FBXO5: variants seen among roughly 807,000 people sequenced by gnomAD.
The protein encoded by FBXO5 is F-box protein 5.
Under a neutral mutation model 43.3 loss-of-function variants are expected in FBXO5, and 8 were observed. That is an observed-to-expected ratio of 0.18 (90% confidence interval 0.11 to 0.33). The LOEUF (loss-of-function observed/expected upper bound fraction) is 0.33, where lower values mean the gene tolerates loss of function less well. FBXO5 is among the 10% of genes least tolerant of loss of function. The pLI is 1.00. For synonymous variants in FBXO5, 204 were observed against 193.7 expected (o/e 1.05, Z -0.44); for missense variants, 491 against 535.7 (o/e 0.92, Z 0.82).
At chr6:152,974,840 G>T in intron 2 of FBXO5, 67 bp downstream of exon 2, 2 of 1,230,748 alleles carry the variant, frequency 1.6e-6, no homozygotes, top group Non-Finnish European at 2.3e-6. Context: ...ATGAGCTGGT[G>T]GTACTGAGCC....
upstream of FBXO5, chr6:152,983,150 T>C (rs1045304745): frequency 4.9e-6 from 2 of 406,598 alleles, no homozygotes; most frequent in Non-Finnish European, 4.3e-6. Context: ...AGGAGGGCAG[T>C]GGGTGGGGGC....
chr6:152,982,753 C>G (rs1778282777), intron 1 of FBXO5, 104 bp downstream of exon 1: 1 of 763,368 alleles, frequency 1.3e-6, no homozygotes, highest in South Asian at 2.5e-5. Context: ...CATGGCCGCG[C>G]GTCCAGGCTC....
At chr6:152,972,993 GAAGAGCACTAAC>G in intron 3 of FBXO5, 41 bp downstream of exon 3, 3 of 1,384,516 alleles carry the variant, frequency 2.2e-6, no homozygotes, top group Non-Finnish European at 3.1e-6. Context: ...TCTATTTCTA[GAAGAGCACTAAC>G]AGTGCATTTT....
Position 152,975,042 on chromosome 6 carries a change from T to C in FBXO5, c.683A>G (p.Asn228Ser), listed in dbSNP as rs774448542. 2 of 1,614,192 alleles carry C rather than the reference T, an allele frequency of 1.2e-6. No homozygotes were observed. Among genetic ancestry groups the C allele is most frequent in the South Asian group, 1.1e-5 (1 of 91,084 alleles). ...GCCAATTATATTCTGCAGTCTAAAA[T>C]TTCCTCTGGCTATAATTTCCTTCAG... ...EMLKEIIARG[N>S]FRLQNIIGRK... The change falls in exon 2 of 5, where the codon AAT (asparagine) becomes AGT (serine). Residue 228 changes from asparagine (N) to serine (S), a missense_variant. Transcript: ENST00000229758.
rs1778288197 is a variant in FBXO5 at position 152,982,940 on chromosome 6, C to T, written c.20G>A (p.Ser7Asn). Residue 7 changes from serine to asparagine, a missense_variant, in exon 1 of 5, where the codon AGC (serine) becomes AAC (asparagine). By Grantham distance (46) the Ser-to-Asn change is conservative. Transcript: ENST00000229758. Reference sequence around the variant, plus strand: ...GCAGCGGGGTGGCCGTAGGGCGCAGCTGCAGGGGCGCCGGCTCATGCCAGC... The same window carrying T: ...GCAGCGGGGTGGCCGTAGGGCGCAGTTGCAGGGGCGCCGGCTCATGCCAGC... MSRRPC[S>N]CALRPPRCSC... 2 of 1,429,932 alleles carry T rather than the reference C, an allele frequency of 1.4e-6. No individual in the cohort carries two copies. Among genetic ancestry groups the T allele is most frequent in the South Asian group, 1.5e-5 (1 of 68,182 alleles). The allele number at this position is 1,429,932 out of a possible 1,614,324, so 88.6% of individuals were successfully genotyped here. A position where few individuals can be genotyped will look rare whatever the true frequency, so the allele number is the denominator to read the frequency against.
chr6:152,972,468 A>T lies in FBXO5; in HGVS notation c.910-14T>A, dbSNP rs1413362074. The T allele has an allele frequency of 1.3e-6, 2 of 1,544,214 alleles. No homozygotes were observed. Among genetic ancestry groups the T allele is most frequent in the South Asian group, 2.4e-5 (2 of 82,296 alleles). On this transcript the variant is annotated splice_polypyrimidine_tract_variant and intron_variant, in intron 3 of 4. Coordinates refer to ENST00000229758, the MANE Select transcript of FBXO5 (RefSeq NM_012177.5). ...ATTGTTGTTTTCCTAATTTAAAAAA[A>T]AGTTTTAATAGAATTTAGAAATTAT...
Position 152,970,622 on chromosome 6 carries a change from C to CA in FBXO5, c.*540dup, listed in dbSNP as rs1554228828. 6.6e-6 allele frequency: 1 copy of CA among 151,756 alleles called. No homozygotes were observed. The highest frequency in any genetic ancestry group is 1.5e-5 in the Non-Finnish European group (1 of 67,972). The allele number at this position is 151,756 out of a possible 1,614,324, so 9.4% of individuals were successfully genotyped here. A position where few individuals can be genotyped will look rare whatever the true frequency, so the allele number is the denominator to read the frequency against. ...AAATACAGAAATATTTACATGTATA[C>CA]AAAAATATTAAAACAGATTTCAGAA... On this transcript the variant is annotated 3_prime_UTR_variant, in exon 5 of 5. Coordinates refer to ENST00000229758, the MANE Select transcript of FBXO5 (RefSeq NM_012177.5).
intron 1 of FBXO5, 88 bp downstream of exon 1, chr6:152,982,769 G>C (rs990984563): frequency 7.3e-5 from 67 of 917,926 alleles, no homozygotes; most frequent in Non-Finnish European, 9.5e-5. Flanking sequence ...GGCTCCGAGG[G>C]ACGTCGGGTC....
intron 1 of FBXO5, among the ~76,000 whole-genome samples, chr6:152,980,813 T>C (rs1778248426): frequency 6.6e-6 from 1 of 152,132 alleles, no homozygotes; most frequent in Admixed American, 6.5e-5. Context: ...AGGTATACAG[T>C]GCTATTTACT....
intron 1 of FBXO5, among the ~76,000 whole-genome samples, chr6:152,980,477 GAA>G (rs1361695953): frequency 3.2e-4 from 48 of 152,286 alleles, no homozygotes; most frequent in African/African-American, 1.0e-3. Context: ...TATAGTTGAA[GAA>G]GTAGAATGAT....
chr6:152,973,025 A>G (rs936647887), intron 3 of FBXO5, 21 bp downstream of exon 3: 4 of 1,599,724 alleles, frequency 2.5e-6, no homozygotes, highest in Non-Finnish European at 3.4e-6. Context: ...TTAACTAAAA[A>G]CATCATCTGC....
At chr6:152,973,172 A>C in intron 2 of FBXO5, 36 bp from the exon 3 acceptor site, 1 of 1,511,314 alleles carries the variant, frequency 6.6e-7, no homozygotes, top group Non-Finnish European at 9.2e-7. Flanking sequence ...AAATAATTAA[A>C]GCATCACAAA....
At chr6:152,971,864 C>T (rs1156862286) in intron 4 of FBXO5, among the ~76,000 whole-genome samples, 3 of 152,112 alleles carry the variant, frequency 2.0e-5, no homozygotes, top group African/African-American at 7.2e-5. Context: ...TTCCTCGGTT[C>T]TTAAAAGCGG....
chr6:152,978,970 G>A (rs1191357223), intron 1 of FBXO5, among the ~76,000 whole-genome samples: 1 of 150,774 alleles, frequency 6.6e-6, no homozygotes, highest in Non-Finnish European at 1.5e-5. Flanking sequence ...CAGCCTGGAA[G>A]ACAGAGGGAA....
chr6:152,977,999 G>C (rs956016557), intron 1 of FBXO5, among the ~76,000 whole-genome samples: 1 of 152,026 alleles, frequency 6.6e-6, no homozygotes, highest in Non-Finnish European at 1.5e-5. Context: ...AGGTAGGATG[G>C]GGAATTGTTA....
chr6:152,973,530 C>T (rs1028192976), intron 2 of FBXO5: 2 of 160,522 alleles, frequency 1.2e-5, no homozygotes, highest in African/African-American at 4.8e-5. Context: ...TAGAAACTCA[C>T]TATGTTAACA....
chr6:152,973,115 A>C lies in FBXO5; in HGVS notation c.840T>G (p.Thr280=), dbSNP rs1379832469. 1 of 1,613,846 alleles carries C rather than the reference A, an allele frequency of 6.2e-7. No homozygotes were observed. The highest frequency in any genetic ancestry group is 8.5e-7 in the Non-Finnish European group (1 of 1,179,854). ...TATCATCTTCTAGGATCTTCTTCCA[A>C]GTTGTGCTCACTTTAGACACACTGG... ...DLINVSKVST[T]WKKILEDDKG... The change falls in exon 3 of 5, where the codon ACT becomes ACG. Residue 280 remains threonine (T), a synonymous_variant. Transcript: ENST00000229758.
intron 1 of FBXO5, among the ~76,000 whole-genome samples, chr6:152,982,446 G>A (rs1778277033): frequency 6.6e-6 from 1 of 152,138 alleles, no homozygotes; most frequent in Non-Finnish European, 1.5e-5. Flanking sequence ...GGCCCTGGGG[G>A]CTTCTCGCTC....
intron 2 of FBXO5, among the ~76,000 whole-genome samples, chr6:152,974,306 A>G (rs570879542): frequency 3.3e-5 from 5 of 152,318 alleles, no homozygotes; most frequent in African/African-American, 1.2e-4. Flanking sequence ...CTTAGAAAGA[A>G]CAAAAATTAC....
Sources: allele counts gnomAD v4.1 joint callset (sites outside exome capture counted in the v4.1 genomes callset), GRCh38; gene constraint gnomAD v4.1.1; transcripts MANE v1.5; gene names NCBI Gene and HGNC (gene_info 2026-07-23, HGNC 2026-07-21).